The following CNIH3 variants were observed in gnomAD, a reference collection of about 807,000 sequenced individuals.
CNIH3 encodes protein cornichon homolog 3.
A neutral mutation model predicts 24.1 loss-of-function variants in CNIH3; 14 were observed. That is an observed-to-expected ratio of 0.58 (90% confidence interval 0.38 to 0.91). The LOEUF (loss-of-function observed/expected upper bound fraction) is 0.91. CNIH3 is among the 40% of genes least tolerant of loss of function. CNIH3 has a pLI of 0.00. For missense variants in CNIH3, 178 were observed against 196.8 expected (o/e 0.90, Z 0.57); for synonymous variants, 68 against 73.8 (o/e 0.92, Z 0.40).
At chr1:224,603,372 A>G (rs986104498) in intron 3 of CNIH3, among the ~76,000 whole-genome samples, 8 of 152,210 alleles carry the variant, frequency 5.3e-5, no homozygotes, top group African/African-American at 1.9e-4. Flanking sequence ...CTTTCACAGG[A>G]TCAATGCTAT....
intron 1 of CNIH3, among the ~76,000 whole-genome samples, chr1:224,645,540 A>T (rs1280050897): frequency 1.3e-5 from 2 of 152,218 alleles, no homozygotes; most frequent in Non-Finnish European, 1.5e-5. Flanking sequence ...TCACGTGGTG[A>T]CACTCCCTCT....
chr1:224,623,334 C>T (rs544924066), intron 1 of CNIH3, among the ~76,000 whole-genome samples: 4 of 152,314 alleles, frequency 2.6e-5, no homozygotes, highest in African/African-American at 4.8e-5. Flanking sequence ...CTGCTGCGTC[C>T]TCTGTTTCCT....
At chr1:224,452,392 C>T (rs1675438799) in intron 1 of CNIH3, among the ~76,000 whole-genome samples, 3 of 151,922 alleles carry the variant, frequency 2.0e-5, no homozygotes, top group South Asian at 2.1e-4. Context: ...TCAAGTGATC[C>T]ACCCACTTCA....
At chr1:224,452,965 A>G (rs1675485052) in intron 1 of CNIH3, among the ~76,000 whole-genome samples, 1 of 150,928 alleles carries the variant, frequency 6.6e-6, no homozygotes, top group Non-Finnish European at 1.5e-5. Context: ...TACTAAAAAT[A>G]CAAAATTAGC....
chr1:224,575,476 G>C (rs982309385), intron 4 of CNIH3: 1 of 613,820 alleles, frequency 1.6e-6, no homozygotes, highest in East Asian at 3.3e-5. Flanking sequence ...AGTATGGCCT[G>C]TGTCACTCAG....
At chr1:224,657,856 A>C (rs1685171836) in intron 1 of CNIH3, among the ~76,000 whole-genome samples, 1 of 152,220 alleles carries the variant, frequency 6.6e-6, no homozygotes. Flanking sequence ...GTCTTAAGAC[A>C]ATCAGGGTTG....
At chr1:224,482,453 T>C (rs1454138497) in intron 1 of CNIH3, among the ~76,000 whole-genome samples, 2 of 152,044 alleles carry the variant, frequency 1.3e-5, no homozygotes, top group Admixed American at 1.3e-4. Flanking sequence ...AGTCAGCAGA[T>C]GATAAATCCT....
At chr1:224,491,859 C>T (rs560600012) in intron 1 of CNIH3, among the ~76,000 whole-genome samples, 1 of 152,298 alleles carries the variant, frequency 6.6e-6, no homozygotes, top group Non-Finnish European at 1.5e-5. Context: ...TCTCCCACCT[C>T]GGCCTCCCAG....
At chr1:224,683,360 G>C (rs1298672684) in intron 2 of CNIH3, among the ~76,000 whole-genome samples, 1 of 152,216 alleles carries the variant, frequency 6.6e-6, no homozygotes, top group African/African-American at 2.4e-5. Context: ...AAGACTGCTA[G>C]ACACATTTTC....
At chr1:224,710,620 AC>A (rs1473534281) in intron 3 of CNIH3, among the ~76,000 whole-genome samples, 1 of 152,104 alleles carries the variant, frequency 6.6e-6, no homozygotes. Flanking sequence ...TTTTTCAAAC[AC>A]CCATTTTCTC....
At chr1:224,724,601 A>G (rs544554480) in intron 3 of CNIH3, among the ~76,000 whole-genome samples, 3 of 152,110 alleles carry the variant, frequency 2.0e-5, no homozygotes, top group Non-Finnish European at 4.4e-5. Context: ...TAAAAGATAT[A>G]GTATCTTTTT....
At chr1:224,493,066 G>T (rs1284976498) in intron 1 of CNIH3, among the ~76,000 whole-genome samples, 2 of 152,156 alleles carry the variant, frequency 1.3e-5, no homozygotes, top group Middle Eastern at 6.3e-3. Context: ...TTGACCCAGG[G>T]TCTTTAATCA....
intron 1 of CNIH3, among the ~76,000 whole-genome samples, chr1:224,637,405 T>G (rs1345724353): frequency 8.7e-6 from 1 of 114,306 alleles, no homozygotes; most frequent in Non-Finnish European, 1.6e-5. Context: ...TTAGTTCTCC[T>G]GTCTCTGGGT....
intron 3 of CNIH3, among the ~76,000 whole-genome samples, chr1:224,603,155 T>C (rs1433527216): frequency 1.4e-5 from 2 of 140,584 alleles, no homozygotes; most frequent in Non-Finnish European, 3.1e-5. Flanking sequence ...GGCAGAGGAA[T>C]AGTCCATTAT....
intron 1 of CNIH3, among the ~76,000 whole-genome samples, chr1:224,672,204 G>A (rs1043690244): frequency 6.6e-6 from 1 of 152,042 alleles, no homozygotes; most frequent in African/African-American, 2.4e-5. Flanking sequence ...CGTGGGTTTG[G>A]GGGACTTACA....
At chr1:224,655,817 G>T (rs1685070658) in intron 1 of CNIH3, among the ~76,000 whole-genome samples, 4 of 152,194 alleles carry the variant, frequency 2.6e-5, no homozygotes, top group African/African-American at 9.7e-5. Context: ...AAAATTGGAG[G>T]TTTGTATAAT....
chr1:224,716,815 G>A (rs1688454096), intron 3 of CNIH3, among the ~76,000 whole-genome samples: 1 of 152,128 alleles, frequency 6.6e-6, no homozygotes, highest in African/African-American at 2.4e-5. Context: ...TAGGGAGTGG[G>A]TGTAATGAGA....
intron 3 of CNIH3, among the ~76,000 whole-genome samples, chr1:224,698,931 A>G (rs1364141171): frequency 6.6e-6 from 1 of 152,176 alleles, no homozygotes; most frequent in African/African-American, 2.4e-5. Context: ...ATGCTTTACA[A>G]GTGTTTCACT....
intron 3 of CNIH3, among the ~76,000 whole-genome samples, chr1:224,560,616 A>G (rs1315778314): frequency 1.3e-5 from 2 of 151,870 alleles, no homozygotes; most frequent in East Asian, 3.9e-4. Flanking sequence ...TGCATGCAAG[A>G]GATCTAGGTT....
Sources: gnomAD v4.1 joint callset for allele counts (sites outside exome capture counted in the v4.1 genomes callset) on GRCh38, gnomAD v4.1.1 for gene constraint, MANE v1.5 for transcripts, NCBI Gene and HGNC (gene_info 2026-07-23, HGNC 2026-07-21) for gene names.